GABRA5: variants seen among roughly 807,000 people sequenced by gnomAD.
The protein encoded by GABRA5 is gamma-aminobutyric acid receptor subunit alpha-5.
GABRA5 carries 18 observed loss-of-function variants against 47.3 expected under a neutral mutation model. The observed-to-expected ratio is 0.38, with a 90% confidence interval of 0.26 to 0.56. GABRA5 has a LOEUF of 0.56. Among genes scored for constraint, GABRA5 ranks in the 20% least tolerant of loss-of-function variants. GABRA5 has a pLI of 0.71. For missense variants in GABRA5, 365 were observed against 599.3 expected, an observed-to-expected ratio of 0.61 and a Z score of 4.08; for synonymous variants, 237 against 229.3, an observed-to-expected ratio of 1.03 and a Z score of -0.30.
intron 9 of GABRA5, among the ~76,000 whole-genome samples, chr15:26,942,137 C>T (rs1034185502): frequency 3.3e-5 from 5 of 152,170 alleles, no homozygotes; most frequent in Admixed American, 6.5e-5. Flanking sequence ...TCCTTGCTGG[C>T]GAGCTTGGGC....
At chr15:26,877,774 A>G (rs1892633622) in intron 3 of GABRA5, 4 of 411,336 alleles carry the variant, frequency 9.7e-6, no homozygotes, top group Admixed American at 6.1e-5. Context: ...TGCATTCAAT[A>G]TAAGGAAATA....
At chr15:26,915,136 T>C (rs1337237966) in intron 7 of GABRA5, among the ~76,000 whole-genome samples, 3 of 152,194 alleles carry the variant, frequency 2.0e-5, no homozygotes, top group Admixed American at 2.0e-4. Context: ...CAATCTGGAA[T>C]GTGCCCCTCT....
rs1474367725 is a variant in GABRA5 at position 26,869,227 on chromosome 15, T to G, written c.-22T>G. 2.1e-6 allele frequency: 3 copies of G among 1,422,730 alleles called. No individual in the cohort carries two copies. The highest frequency in any genetic ancestry group is 3.0e-6 in the Non-Finnish European group (3 of 1,005,400). 88.1% of individuals were successfully genotyped at this position (1,422,730 alleles called of 1,614,324 possible). A position where few individuals can be genotyped will look rare whatever the true frequency, so the allele number is the denominator to read the frequency against. ...AGTTATTCCTCCATATTCACCTGCT[T>G]CAACTACTATTCTTATTGGGAATGG... On this transcript the variant is annotated 5_prime_UTR_variant, in exon 3 of 11. Transcript: ENST00000335625.
chr15:26,877,177 A>G (rs558031457), intron 3 of GABRA5, among the ~76,000 whole-genome samples: 1 of 152,328 alleles, frequency 6.6e-6, no homozygotes, highest in Admixed American at 6.5e-5. Flanking sequence ...CTCATAAAAC[A>G]ATGTGGTGCC....
intron 7 of GABRA5, among the ~76,000 whole-genome samples, chr15:26,920,605 T>C (rs1042883048): frequency 3.9e-5 from 6 of 152,196 alleles, no homozygotes; most frequent in Admixed American, 3.3e-4. Context: ...AAGATTTGTC[T>C]TCTTTCATTT....
intron 6 of GABRA5, among the ~76,000 whole-genome samples, chr15:26,905,236 A>G (rs1291050369): frequency 6.6e-6 from 1 of 151,212 alleles, no homozygotes; most frequent in Admixed American, 6.6e-5. Context: ...TTTCTTCTTC[A>G]TTTTGAAGGA....
At chr15:26,931,852 G>A (rs985554802) in intron 7 of GABRA5, among the ~76,000 whole-genome samples, 1 of 152,148 alleles carries the variant, frequency 6.6e-6, no homozygotes, top group African/African-American at 2.4e-5. Flanking sequence ...GAAGTGACAG[G>A]ATAGCATCAC....
chr15:26,948,092 A>G lies in GABRA5; in HGVS notation c.1248A>G (p.Lys416=). 6.2e-7 allele frequency: 1 copy of G among 1,612,502 alleles called. No homozygotes were observed. Among genetic ancestry groups the G allele is most frequent in the Middle Eastern group, 1.7e-4 (1 of 6,060 alleles). The stretch of plus-strand genomic sequence containing the variant: ...CTGAAGAGAAGACTTCTGAAAGCAA[A>G]AAGACTTACAACAGTATCAGCAAAA... ...KPSEEKTSES[K]KTYNSISKID... is the part of the protein sequence containing the mutation. Residue 416 remains lysine (K), a synonymous_variant, in exon 11 of 11, where the codon AAA becomes AAG. Transcript: ENST00000335625.
chr15:26,891,605 C>G (rs1434210072), intron 6 of GABRA5, among the ~76,000 whole-genome samples: 2 of 152,158 alleles, frequency 1.3e-5, no homozygotes, highest in Non-Finnish European at 2.9e-5. Context: ...TGGTTAAAGC[C>G]CCGGATTCAC....
At chr15:26,911,390 C>CACACACACAA (rs1367744125) in intron 6 of GABRA5, among the ~76,000 whole-genome samples, 7 of 147,328 alleles carry the variant, frequency 4.8e-5, no homozygotes, top group South Asian at 2.2e-4. Context: ...CACACACACA[C>CACACACACAA]ACACACAAAC....
intron 4 of GABRA5, among the ~76,000 whole-genome samples, chr15:26,882,070 G>A (rs1468893172): frequency 1.3e-5 from 2 of 152,170 alleles, no homozygotes; most frequent in African/African-American, 4.8e-5. Flanking sequence ...TTGGGCACAG[G>A]CTCCTTAACA....
intron 7 of GABRA5, among the ~76,000 whole-genome samples, chr15:26,929,070 CTGGACACCCAGCATTCA>C (rs1894029734): frequency 6.6e-6 from 1 of 152,126 alleles, no homozygotes. Flanking sequence ...CATTCTTCCC[CTGGACACCCAGCATTCA>C]TGCTCTTCTC....
At chr15:26,901,849 T>C (rs2140280279) in intron 6 of GABRA5, among the ~76,000 whole-genome samples, 1 of 152,294 alleles carries the variant, frequency 6.6e-6, no homozygotes, top group South Asian at 2.1e-4. Flanking sequence ...GGTTAGTGTC[T>C]AGATTCATCT....
chr15:26,897,507 CT>C (rs1163874184), intron 6 of GABRA5, among the ~76,000 whole-genome samples: 1 of 152,146 alleles, frequency 6.6e-6, no homozygotes, highest in East Asian at 1.9e-4. Context: ...GCCCGTGGTA[CT>C]TTGTAATGGC....
At chr15:26,940,140 G>T in intron 9 of GABRA5, 63 bp downstream of exon 9, 1 of 1,444,684 alleles carries the variant, frequency 6.9e-7, no homozygotes, top group Non-Finnish European at 9.5e-7. Flanking sequence ...CCACCCGGAA[G>T]CAACAGCAAC....
At chr15:26,915,173 CGGGCA>C (rs1379700880) in intron 7 of GABRA5, among the ~76,000 whole-genome samples, 1 of 152,156 alleles carries the variant, frequency 6.6e-6, no homozygotes, top group East Asian at 1.9e-4. Context: ...AGATCTCAAC[CGGGCA>C]GTTCTTTTTT....
At position 26,873,247 on chromosome 15, in the gene GABRA5, A is replaced by G. The variant is rs141995231; in HGVS notation, c.86+3913A>G. On this transcript the variant is annotated intron_variant, in intron 3 of 10. Transcript: ENST00000335625. ...ATTAGATTTAAACTGGAATTAATTT[A>G]TCATCATTAAGAAAATCATACTTTA... Among the ~76,000 whole-genome samples the G allele has an allele frequency of 1.5e-3, 225 of 152,384 alleles. 1 individual carries two copies. The highest frequency in any genetic ancestry group is 5.3e-3 in the African/African-American group (219 of 41,592).
At chr15:26,892,250 A>C (rs532153540) in intron 6 of GABRA5, among the ~76,000 whole-genome samples, 4 of 152,364 alleles carry the variant, frequency 2.6e-5, no homozygotes, top group Non-Finnish European at 5.9e-5. Flanking sequence ...AACATTAATA[A>C]TCCAGGTCCC....
intron 6 of GABRA5, among the ~76,000 whole-genome samples, chr15:26,894,149 C>T (rs760093706): frequency 6.6e-6 from 1 of 152,150 alleles, no homozygotes; most frequent in Non-Finnish European, 1.5e-5. Flanking sequence ...GGCGCCGGAC[C>T]TGGGCCCGGA....
Sources: gnomAD v4.1 joint callset for allele counts (sites outside exome capture counted in the v4.1 genomes callset) on GRCh38, gnomAD v4.1.1 for gene constraint, MANE v1.5 for transcripts, NCBI Gene and HGNC (gene_info 2026-07-23, HGNC 2026-07-21) for gene names.